Variants in FAM135A observed in about 807,000 individuals in gnomAD.
FAM135A encodes family with sequence similarity 135 member A.
Under a neutral mutation model 146.8 loss-of-function variants are expected in FAM135A, and 79 were observed. That is an observed-to-expected ratio of 0.54 (90% CI 0.45 to 0.65). FAM135A has a LOEUF of 0.65. Ranked by LOEUF, FAM135A falls within the 30% of genes least tolerant of loss-of-function variation. The pLI, the probability that FAM135A is intolerant of heterozygous loss-of-function variation, is 0.00. For synonymous variants in FAM135A, 562 were observed against 603.6 expected (o/e 0.93, Z 1.01); for missense variants, 1,623 against 1,758.2 (o/e 0.92, Z 1.38).
At chr6:70,458,482 T>G (rs974587354) in intron 5 of FAM135A, among the ~76,000 whole-genome samples, 1 of 152,198 alleles carries the variant, frequency 6.6e-6, no homozygotes, top group African/African-American at 2.4e-5. Context: ...GAACAAATTG[T>G]GAGACATGCT....
chr6:70,540,271 TCA>T (rs1018189635), intron 20 of FAM135A, among the ~76,000 whole-genome samples: 1 of 149,622 alleles, frequency 6.7e-6, no homozygotes, highest in African/African-American at 2.4e-5. Flanking sequence ...TCTTTTTCTC[TCA>T]CTCCCTTCTC....
intron 2 of FAM135A, among the ~76,000 whole-genome samples, chr6:70,421,054 G>GT (rs1768710409): frequency 6.6e-6 from 1 of 151,884 alleles, no homozygotes; most frequent in African/African-American, 2.4e-5. Context: ...GCTAATTTTT[G>GT]TATTTTATAT....
intron 14 of FAM135A, 26 bp downstream of exon 14, chr6:70,524,147 C>T: frequency 6.3e-7 from 1 of 1,586,010 alleles, no homozygotes; most frequent in Non-Finnish European, 8.6e-7. Context: ...CTAAAATATA[C>T]AAGCTATGTG....
At chr6:70,492,122 C>T (rs1156793876) in intron 11 of FAM135A, among the ~76,000 whole-genome samples, 6 of 151,520 alleles carry the variant, frequency 4.0e-5, no homozygotes, top group Admixed American at 3.3e-4. Flanking sequence ...ACTTGCTCGA[C>T]TGGATACTAA....
intron 13 of FAM135A, among the ~76,000 whole-genome samples, chr6:70,523,360 T>A (rs1346017129): frequency 1.3e-5 from 2 of 152,082 alleles, no homozygotes; most frequent in African/African-American, 4.8e-5. Context: ...TCAGGGTAGG[T>A]AGTGAGTGCT....
chr6:70,525,582 T>G lies in FAM135A; in HGVS notation c.2498T>G (p.Ile833Arg), dbSNP rs536669326. Residue 833 changes from isoleucine (I) to arginine (R), a missense_variant, in exon 15 of 22, where the codon ATA (isoleucine) becomes AGA (arginine). Physicochemically the swap from Ile to Arg is moderately conservative, Grantham distance 97 (BLOSUM62 -3). Around this residue, in one of 7 missense-constraint regions of FAM135A, gnomAD observed 1,061 missense variants for 1,113.8 expected, o/e 0.95. Coordinates refer to ENST00000418814, the MANE Select transcript of FAM135A (RefSeq NM_001162529.3). ...CTESTSAISEIQSSLTSINSL... is the reference protein window; with the variant it reads ...CTESTSAISERQSSLTSINSL... ...GAGAGTACAAGTGCTATAAGTGAAA[T>G]ACAGTCATCTTTGACATCCATAAAC... The G allele has an allele frequency of 6.2e-7, 1 of 1,613,562 alleles. No individual in the cohort carries two copies. The highest frequency in any genetic ancestry group is 1.1e-5 in the South Asian group (1 of 91,060).
chr6:70,506,444 A>T (rs1394610185), intron 12 of FAM135A, among the ~76,000 whole-genome samples: 1 of 152,170 alleles, frequency 6.6e-6, no homozygotes, highest in Admixed American at 6.5e-5. Context: ...CAACTCTGTT[A>T]TAACATGAAA....
At chr6:70,448,325 G>A (rs932820318) in intron 4 of FAM135A, among the ~76,000 whole-genome samples, 3 of 152,086 alleles carry the variant, frequency 2.0e-5, no homozygotes, top group African/African-American at 7.2e-5. Context: ...TTACTTCGTT[G>A]TACTCTCCTT....
At position 70,522,540 on chromosome 6, in the gene FAM135A, T is replaced by C. The variant is rs772148981; in HGVS notation, c.1057T>C (p.Cys353Arg). 71 of 1,613,962 alleles carry C rather than the reference T, an allele frequency of 4.4e-5. 1 individual carries two copies. In the East Asian group the frequency reaches 1.5e-3, roughly 33 times the overall value. The change falls in exon 13 of 22, where the codon TGT (cysteine) becomes CGT (arginine). Residue 353 changes from cysteine to arginine, a missense_variant. Physicochemically the swap from Cys to Arg is radical, Grantham distance 180 (BLOSUM62 -3). Transcript: ENST00000418814. ...RVRRFSEAFF[C>R]FEHPREAAIA... ...ACGCAGATTTTCTGAGGCATTCTTT[T>C]GTTTTGAGCATCCAAGAGAAGCTGC...
At chr6:70,420,643 C>T (rs1581969683) in intron 2 of FAM135A, among the ~76,000 whole-genome samples, 3 of 152,044 alleles carry the variant, frequency 2.0e-5, no homozygotes, top group African/African-American at 7.2e-5. Flanking sequence ...CTAGACTATG[C>T]TATCCAATAG....
In FAM135A at chr6:70,525,143, A is replaced by G. The variant is rs2128352224; in HGVS notation, c.2059A>G (p.Ile687Val). The stretch of plus-strand genomic sequence containing the variant: ...TTGGACAGAGCTTCGACAAGAGGAA[A>G]TACTTGTGGATAATTTACTACCCAA... The part of the protein sequence containing the change: ...GPWTELRQEE[I>V]LVDNLLPNFE... Residue 687 changes from isoleucine to valine, a missense_variant, in exon 15 of 22, where the codon ATA becomes GTA. Physicochemically the swap from Ile to Val is conservative, Grantham distance 29. Transcript: ENST00000418814. 6.4e-7 allele frequency: 1 copy of G among 1,572,442 alleles called. No homozygotes were observed. Among genetic ancestry groups the G allele is most frequent in the Non-Finnish European group, 8.6e-7 (1 of 1,163,784 alleles).
chr6:70,419,982 G>A (rs190436959), intron 2 of FAM135A, among the ~76,000 whole-genome samples: 86 of 152,102 alleles, frequency 5.7e-4, no homozygotes, highest in Non-Finnish European at 1.0e-3. Context: ...TTTTTAATTC[G>A]GTCTGTAGGC....
intron 20 of FAM135A, among the ~76,000 whole-genome samples, chr6:70,539,982 T>TGA (rs1432044772): frequency 2.0e-5 from 3 of 151,998 alleles, no homozygotes; most frequent in Non-Finnish European, 4.4e-5. Context: ...GGAGACAGAG[T>TGA]GAGACTCCGT....
At position 70,540,427 on chromosome 6, in the gene FAM135A, C is replaced by T. The variant is rs1277390884; in HGVS notation, c.4228+2026C>T. On this transcript the variant is annotated intron_variant, in intron 20 of 21. Transcript: ENST00000418814. The stretch of plus-strand genomic sequence containing the variant: ...GCAAGCTCCGCCTCCCGAGTTCACA[C>T]CATTCTCCTGCCTCAGCCTCCTGAG... Among the ~76,000 whole-genome samples the T allele has an allele frequency of 2.7e-5, 4 of 150,498 alleles. No individual in the cohort carries two copies. The East Asian group carries it at 7.9e-4, about 30-fold the overall frequency.
At position 70,433,098 on chromosome 6, in the gene FAM135A, C is replaced by CA. The variant is rs1772066852; in HGVS notation, c.77+4680dup. Among the ~76,000 whole-genome samples, 3 of 146,304 alleles carry CA rather than the reference C, an allele frequency of 2.1e-5. No homozygotes were observed. In the South Asian group the frequency reaches 6.4e-4, roughly 31 times the overall value. Reference sequence around the variant, plus strand: ...GATACTTTTTTTTTTTTTTTTAAGACAGTCTTTGCTCTGTCGCCCAGGCTG... The same window carrying CA: ...GATACTTTTTTTTTTTTTTTTAAGACAAGTCTTTGCTCTGTCGCCCAGGCTG... On this transcript the variant is annotated intron_variant, in intron 4 of 21. Coordinates refer to ENST00000418814, the MANE Select transcript of FAM135A (RefSeq NM_001162529.3).
rs138432816 is a variant in FAM135A, at chr6:70,422,295, G to A, written c.-133-4144G>A. Among the ~76,000 whole-genome samples, 7 of 152,312 alleles carry A rather than the reference G, an allele frequency of 4.6e-5. No individual in the cohort carries two copies. The East Asian group carries it at 1.4e-3, about 29-fold the overall frequency. The stretch of plus-strand genomic sequence containing the variant: ...TAGCTGGAAAACAAGTAGTTTCTAA[G>A]AAGAGGATCAAACAGATCCCCTTTC... On this transcript the variant is annotated intron_variant, in intron 2 of 21. Transcript: ENST00000418814.
At chr6:70,477,748 C>T (rs574530584) in intron 8 of FAM135A, among the ~76,000 whole-genome samples, 1 of 152,230 alleles carries the variant, frequency 6.6e-6, no homozygotes, top group South Asian at 2.1e-4. Flanking sequence ...ACATGAGAGC[C>T]TTATTAATGT....
At chr6:70,487,295 A>G (rs541194368) in intron 10 of FAM135A, among the ~76,000 whole-genome samples, 3 of 152,014 alleles carry the variant, frequency 2.0e-5, no homozygotes, top group Non-Finnish European at 4.4e-5. Context: ...TGATCTCATT[A>G]TTTTATTATA....
At chr6:70,502,519 C>A in intron 11 of FAM135A, 117 bp from the exon 12 acceptor site, 2 of 1,005,508 alleles carry the variant, frequency 2.0e-6, no homozygotes, top group Non-Finnish European at 2.9e-6. Context: ...TACAAATGCA[C>A]ATCTCTTTTT....
Sources: gnomAD v4.1 joint callset for allele counts (sites outside exome capture counted in the v4.1 genomes callset) on GRCh38, gnomAD v4.1.1 for gene constraint, gnomAD v4.1.1 regional missense constraint, MANE v1.5 for transcripts, NCBI Gene and HGNC (gene_info 2026-07-23, HGNC 2026-07-21) for gene names.